ST18: variants seen among roughly 807,000 people sequenced by gnomAD.
The protein encoded by ST18 is suppression of tumorigenicity 18 protein.
ST18 carries 50 observed loss-of-function variants against 110.0 expected under a neutral mutation model. That is an observed-to-expected ratio of 0.45 (90% CI 0.36 to 0.58). The LOEUF (loss-of-function observed/expected upper bound fraction) is 0.58, where lower values mean the gene tolerates loss of function less well. Ranked by LOEUF, ST18 falls within the 20% of genes least tolerant of loss-of-function variation. The probability of loss-of-function intolerance (pLI) is 0.00; values close to 1 mark genes in which losing one functional copy is unlikely to be tolerated. For synonymous variants in ST18, 461 were observed against 452.4 expected, an observed-to-expected ratio of 1.02 and a Z score of -0.24; for missense variants, 1,306 against 1,280.1, an observed-to-expected ratio of 1.02 and a Z score of -0.31.
At chr8:52,313,230 T>C (rs1327874031) in intron 2 of ST18, 1 of 152,566 alleles carries the variant, frequency 6.6e-6, no homozygotes, top group African/African-American at 2.4e-5. Flanking sequence ...ACATGCTTGA[T>C]CCTGCCACAA....
At chr8:52,140,276 T>A (rs2054417296) in intron 17 of ST18, among the ~76,000 whole-genome samples, 2 of 152,230 alleles carry the variant, frequency 1.3e-5, no homozygotes, top group African/African-American at 4.8e-5. Context: ...ACGCCTGTAA[T>A]TCCAGCACTT....
intron 23 of ST18, among the ~76,000 whole-genome samples, chr8:52,125,511 C>T (rs1007968976): frequency 1.3e-5 from 2 of 152,038 alleles, no homozygotes; most frequent in East Asian, 1.9e-4. Context: ...AGAGATAGGG[C>T]CTCTCGCAGT....
chr8:52,406,963 T>A (rs1200822704), intron 2 of ST18: 1 of 152,224 alleles, frequency 6.6e-6, no homozygotes, highest in Non-Finnish European at 1.5e-5. Flanking sequence ...CAATTTGTTA[T>A]GCGTTCGTGA....
chr8:52,371,778 T>G (rs1227159665), intron 2 of ST18, among the ~76,000 whole-genome samples: 3 of 152,160 alleles, frequency 2.0e-5, no homozygotes. Context: ...CCTAGTGATG[T>G]CACAGCCATC....
At chr8:52,262,928 C>A (rs570145962) in intron 2 of ST18, among the ~76,000 whole-genome samples, 1 of 152,192 alleles carries the variant, frequency 6.6e-6, no homozygotes, top group Non-Finnish European at 1.5e-5. Context: ...AAACTCTTAT[C>A]AAAAGGGGCC....
At chr8:52,143,114 T>A in intron 16 of ST18, 69 bp from the exon 17 acceptor site, 1 of 989,072 alleles carries the variant, frequency 1.0e-6, no homozygotes, top group Non-Finnish European at 1.6e-6. Context: ...CAACTAGATT[T>A]AAAATCATTG....
chr8:52,241,757 T>C (rs1402889816), intron 2 of ST18, among the ~76,000 whole-genome samples: 1 of 152,224 alleles, frequency 6.6e-6, no homozygotes, highest in Admixed American at 6.5e-5. Flanking sequence ...CTTTAGTACA[T>C]GAAAAATACA....
intron 2 of ST18, among the ~76,000 whole-genome samples, chr8:52,328,779 A>T (rs1807714841): frequency 6.6e-6 from 1 of 152,226 alleles, no homozygotes; most frequent in Non-Finnish European, 1.5e-5. Context: ...TTTCCAATAA[A>T]AAAAATACCA....
At chr8:52,197,511 T>C (rs2076532461) in intron 8 of ST18, among the ~76,000 whole-genome samples, 1 of 152,176 alleles carries the variant, frequency 6.6e-6, no homozygotes, top group African/African-American at 2.4e-5. Context: ...CAGGGCCACA[T>C]ATGTAAAATT....
chr8:52,116,280 G>A lies in ST18; in HGVS notation c.2998C>T (p.Gln1000Ter). The A allele has an allele frequency of 4.3e-6, 7 of 1,613,400 alleles. No homozygotes were observed. The highest frequency in any genetic ancestry group is 5.9e-6 in the Non-Finnish European group (7 of 1,179,774). ...GGTTCTGGCCTTGAACTTACCATCT[G>A]TGGAAGCTGGATGTCAGCAAGGCTT... ...ISSLADIQLP[Q>*]MGPISEQNFE... is the part of the protein sequence containing the mutation. The change falls in exon 25 of 26, where the codon CAG (glutamine) becomes TAG (stop). Residue 1000 changes from glutamine (Q) to a stop codon, truncating the protein, a stop_gained. Coordinates refer to ENST00000689386, the MANE Select transcript of ST18 (RefSeq NM_001352837.2). LOFTEE classifies it high-confidence loss of function.
chr8:52,378,742 C>A (rs1833362199), intron 2 of ST18, among the ~76,000 whole-genome samples: 1 of 152,144 alleles, frequency 6.6e-6, no homozygotes, highest in Non-Finnish European at 1.5e-5. Flanking sequence ...AATTTGAATA[C>A]TTTTAGAGAT....
chr8:52,165,283 T>A (rs1287520299), intron 11 of ST18, 58 bp from the exon 12 acceptor site: 6 of 1,528,504 alleles, frequency 3.9e-6, no homozygotes, highest in Non-Finnish European at 5.4e-6. Flanking sequence ...CAAAGCACAC[T>A]AACACGTGTA....
intron 2 of ST18, among the ~76,000 whole-genome samples, chr8:52,245,355 C>T (rs1336065043): frequency 6.6e-6 from 1 of 151,920 alleles, no homozygotes; most frequent in Non-Finnish European, 1.5e-5. Flanking sequence ...TTCTGCCTGT[C>T]ATTATAAGTA....
intron 15 of ST18, among the ~76,000 whole-genome samples, chr8:52,151,128 C>T (rs2058708333): frequency 6.6e-6 from 1 of 152,122 alleles, no homozygotes; most frequent in African/African-American, 2.4e-5. Context: ...TTAGCAAGAT[C>T]CTTAACTCTT....
intron 2 of ST18, among the ~76,000 whole-genome samples, chr8:52,408,556 A>G (rs1320320622): frequency 6.6e-6 from 1 of 152,240 alleles, no homozygotes. Context: ...CGTTATGTGT[A>G]TATATTGTAC....
intron 2 of ST18, among the ~76,000 whole-genome samples, chr8:52,329,354 T>G (rs1589958657): frequency 6.6e-6 from 1 of 151,548 alleles, no homozygotes; most frequent in East Asian, 1.9e-4. Context: ...TTCCTGTGAG[T>G]GCAGGCTTCA....
At chr8:52,307,940 A>G (rs1019684637) in intron 2 of ST18, among the ~76,000 whole-genome samples, 2 of 152,244 alleles carry the variant, frequency 1.3e-5, no homozygotes, top group Non-Finnish European at 2.9e-5. Flanking sequence ...GTGAAGAGAG[A>G]AGCAAATAGA....
At chr8:52,347,799 C>G (rs1216626460) in intron 2 of ST18, among the ~76,000 whole-genome samples, 2 of 152,122 alleles carry the variant, frequency 1.3e-5, no homozygotes, top group African/African-American at 2.4e-5. Context: ...AATGGTGGAG[C>G]CTGGATTCAA....
At chr8:52,240,429 G>A (rs961102037) in intron 2 of ST18, among the ~76,000 whole-genome samples, 1 of 151,962 alleles carries the variant, frequency 6.6e-6, no homozygotes, top group South Asian at 2.1e-4. Flanking sequence ...CATCTCATCC[G>A]TAGGCTTATA....
Sources: allele counts gnomAD v4.1 joint callset (sites outside exome capture counted in the v4.1 genomes callset), GRCh38; gene constraint gnomAD v4.1.1; transcripts MANE v1.5; gene names NCBI Gene and HGNC (gene_info 2026-07-23, HGNC 2026-07-21).